CAPN5: variants seen among roughly 807,000 people sequenced by gnomAD.
The protein encoded by CAPN5 is calpain 5, also known as calpain-5.
A neutral mutation model predicts 73.0 loss-of-function variants in CAPN5; 54 were observed. That is an observed-to-expected ratio of 0.74 (90% CI 0.59 to 0.93). The LOEUF (loss-of-function observed/expected upper bound fraction) is 0.93, where lower values mean the gene tolerates loss of function less well. Ranked by LOEUF, CAPN5 falls within the 40% of genes least tolerant of loss-of-function variation. The probability of loss-of-function intolerance (pLI) is 0.00; values close to 1 mark genes in which losing one functional copy is unlikely to be tolerated. For synonymous variants in CAPN5, 335 were observed against 356.9 expected (o/e 0.94, Z 0.69); for missense variants, 785 against 882.9 (o/e 0.89, Z 1.41).
At chr11:77,092,315 G>A (rs893886996) in intron 2 of CAPN5, among the ~76,000 whole-genome samples, 2 of 152,220 alleles carry the variant, frequency 1.3e-5, no homozygotes, top group African/African-American at 2.4e-5. Flanking sequence ...CAGAGAGCTC[G>A]CCAGATTGCC....
chr11:77,122,219 C>T (rs1457086382), intron 11 of CAPN5, among the ~76,000 whole-genome samples, 170 bp downstream of exon 11: 1 of 152,210 alleles, frequency 6.6e-6, no homozygotes, highest in African/African-American at 2.4e-5. Flanking sequence ...AAAGGTTTAC[C>T]TTCTGCTCTC....
intron 1 of CAPN5, among the ~76,000 whole-genome samples, chr11:77,069,167 G>A (rs4945138): frequency 0.36 from 55,342 of 152,018 alleles, 11,197 homozygotes; most frequent in Non-Finnish European, 0.45. Context: ...ACCTTGAGGC[G>A]GAGAACTTCC....
At chr11:77,091,126 G>C (rs951469366) in intron 2 of CAPN5, among the ~76,000 whole-genome samples, 2 of 152,146 alleles carry the variant, frequency 1.3e-5, no homozygotes, top group African/African-American at 2.4e-5. Context: ...TGGTTCTTCC[G>C]GGCAGAGGGG....
rs112966988 is a variant in CAPN5 at position 77,104,790 on chromosome 11, G to A, written c.298-7799G>A. Among the ~76,000 whole-genome samples, 539 of 152,340 alleles carry A rather than the reference G, an allele frequency of 3.5e-3. 4 individuals carry two copies. Among genetic ancestry groups the A allele is most frequent in the African/African-American group, 0.013 (520 of 41,574 alleles). On this transcript the variant is annotated intron_variant, in intron 3 of 12. Transcript: ENST00000648180. Reference sequence around the variant, plus strand: ...GAAGCAAAGCTGTCAAGGAACTTGCGGCTCTGGAACAGATGCACTGAGGGC... The same window carrying A: ...GAAGCAAAGCTGTCAAGGAACTTGCAGCTCTGGAACAGATGCACTGAGGGC...
rs1555043478 is a variant in CAPN5, at chr11:77,124,369, A to C, written c.*499A>C. ...CTGCTCAGGCTGGAATTGGGAAAAT[A>C]TGCAGGTGACATTTGTTCATTCTCT... is the stretch of plus-strand genomic sequence containing the variant. On this transcript the variant is annotated 3_prime_UTR_variant, in exon 13 of 13. Coordinates refer to ENST00000648180, the MANE Select transcript of CAPN5 (RefSeq NM_004055.5). 1.2e-5 allele frequency: 2 copies of C among 160,004 alleles called. No individual in the cohort carries two copies. The allele number at this position is 160,004 out of a possible 1,614,324, so 9.9% of individuals were successfully genotyped here. A position where few individuals can be genotyped will look rare whatever the true frequency, so the allele number is the denominator to read the frequency against.
At chr11:77,107,044 C>T (rs1555040029) in intron 3 of CAPN5, among the ~76,000 whole-genome samples, 1 of 152,212 alleles carries the variant, frequency 6.6e-6, no homozygotes, top group Non-Finnish European at 1.5e-5. Flanking sequence ...TCAGCCACCC[C>T]ATGAACAGGA....
chr11:77,072,531 C>T (rs1949919075), intron 1 of CAPN5, among the ~76,000 whole-genome samples: 1 of 152,216 alleles, frequency 6.6e-6, no homozygotes, highest in South Asian at 2.1e-4. Context: ...GAGTGGGTCA[C>T]TGCCCGAGGG....
intron 1 of CAPN5, among the ~76,000 whole-genome samples, chr11:77,080,645 G>A (rs1950018707): frequency 6.6e-6 from 1 of 152,168 alleles, no homozygotes; most frequent in Non-Finnish European, 1.5e-5. Context: ...CCAGGGAACA[G>A]CAGACTAGGC....
At chr11:77,102,971 G>A in intron 3 of CAPN5, 1 of 1,613,352 alleles carries the variant, frequency 6.2e-7, no homozygotes, top group Non-Finnish European at 8.5e-7. Context: ...ATGGGGAGAA[G>A]CTGCTGCAGC....
chr11:77,112,389 A>C (rs1444798520), intron 3 of CAPN5, among the ~76,000 whole-genome samples, 200 bp from the exon 4 acceptor site: 1 of 152,244 alleles, frequency 6.6e-6, no homozygotes, highest in East Asian at 1.9e-4. Context: ...GGGAGCCTCC[A>C]AGCCTCGCGG....
At chr11:77,091,236 G>A (rs1296472844) in intron 2 of CAPN5, among the ~76,000 whole-genome samples, 1 of 152,182 alleles carries the variant, frequency 6.6e-6, no homozygotes, top group Admixed American at 6.5e-5. Context: ...ACACAGCCCT[G>A]CTGGGATGAC....
In CAPN5 at chr11:77,123,934, A is replaced by G; in HGVS notation, c.*64A>G. 6.6e-7 allele frequency: 1 copy of G among 1,509,430 alleles called. No homozygotes were observed. The highest frequency in any genetic ancestry group is 9.1e-7 in the Non-Finnish European group (1 of 1,101,984). 93.5% of individuals were successfully genotyped at this position (1,509,430 alleles called of 1,614,324 possible). ...CATCTGCATGTCCCCACTGGGCCTG[A>G]GTCTAGCCTGGGAGCCAGGATACTG... On this transcript the variant is annotated 3_prime_UTR_variant, in exon 13 of 13. Transcript: ENST00000648180.
intron 3 of CAPN5, among the ~76,000 whole-genome samples, chr11:77,110,515 C>T (rs1555040595): frequency 6.6e-6 from 1 of 152,174 alleles, no homozygotes; most frequent in African/African-American, 2.4e-5. Flanking sequence ...GGGTTCCAGA[C>T]AGTGAGGTTG....
chr11:77,122,072 C>T (rs1555042918), intron 11 of CAPN5, 23 bp downstream of exon 11: 1 of 1,380,872 alleles, frequency 7.2e-7, no homozygotes, highest in Non-Finnish European at 9.8e-7. Context: ...AGGGAGAGTC[C>T]CCCGGCCCTC....
At chr11:77,100,179 A>C (rs1285051144) in intron 3 of CAPN5, among the ~76,000 whole-genome samples, 2 of 152,080 alleles carry the variant, frequency 1.3e-5, no homozygotes, top group African/African-American at 4.8e-5. Flanking sequence ...TACATCTGCA[A>C]GTTTAGAGCT....
intron 2 of CAPN5, among the ~76,000 whole-genome samples, chr11:77,092,202 C>T (rs765054237): frequency 1.2e-4 from 18 of 152,072 alleles, no homozygotes; most frequent in African/African-American, 1.9e-4. Context: ...GGGTGACAGA[C>T]GAGACCATGC....
chr11:77,106,174 C>T (rs1555039820), intron 3 of CAPN5, among the ~76,000 whole-genome samples: 2 of 152,174 alleles, frequency 1.3e-5, no homozygotes, highest in East Asian at 3.9e-4. Flanking sequence ...CAGCCCCTTT[C>T]ATGCCCGCCT....
At chr11:77,121,153 T>A (rs941088376) in intron 10 of CAPN5, among the ~76,000 whole-genome samples, 10 of 152,238 alleles carry the variant, frequency 6.6e-5, no homozygotes, top group African/African-American at 2.4e-4. Context: ...CTTTCACTCA[T>A]CTTGATCTTC....
At chr11:77,122,320 C>T (rs556328902) in intron 11 of CAPN5, among the ~76,000 whole-genome samples, 9 of 152,226 alleles carry the variant, frequency 5.9e-5, no homozygotes, top group Admixed American at 4.6e-4. Flanking sequence ...AGATACAAAG[C>T]CTGATGAAAG....
Sources: allele counts gnomAD v4.1 joint callset (sites outside exome capture counted in the v4.1 genomes callset), GRCh38; gene constraint gnomAD v4.1.1; transcripts MANE v1.5; gene names NCBI Gene and HGNC (gene_info 2026-07-23, HGNC 2026-07-21).